Variants in CDH23 observed in about 807,000 individuals in gnomAD.
CDH23 encodes the protein cadherin-23.
A neutral mutation model predicts 317.1 loss-of-function variants in CDH23; 189 were observed. That is an observed-to-expected ratio of 0.60 (90% CI 0.53 to 0.67). The LOEUF is 0.67. CDH23 is among the 30% of genes least tolerant of loss of function. The pLI, the probability that CDH23 is intolerant of heterozygous loss-of-function variation, is 0.00. For synonymous variants in CDH23, 1,839 were observed against 1,876.8 expected (o/e 0.98, Z 0.52); for missense variants, 4,401 against 4,592.4 (o/e 0.96, Z 1.20).
At chr10:71,535,505 GAAAATGCCTC>G (rs1399857706) in intron 6 of CDH23, among the ~76,000 whole-genome samples, 1 of 152,226 alleles carries the variant, frequency 6.6e-6, no homozygotes, top group East Asian at 1.9e-4. Context: ...AAACGCCAAG[GAAAATGCCTC>G]ATGGTGAGGC....
intron 1 of CDH23, among the ~76,000 whole-genome samples, chr10:71,431,672 C>T (rs1202265394): frequency 1.3e-5 from 2 of 152,252 alleles, no homozygotes; most frequent in Non-Finnish European, 2.9e-5. Flanking sequence ...ATCGTGGCAC[C>T]ATGCTGTGAA....
chr10:71,756,587 T>C (rs1840154212), intron 38 of CDH23, among the ~76,000 whole-genome samples: 1 of 152,168 alleles, frequency 6.6e-6, no homozygotes, highest in South Asian at 2.1e-4. Flanking sequence ...TCCAAAAAGG[T>C]GTACACGAAG....
At chr10:71,621,736 A>G (rs907337603) in intron 11 of CDH23, among the ~76,000 whole-genome samples, 1 of 152,236 alleles carries the variant, frequency 6.6e-6, no homozygotes, top group Non-Finnish European at 1.5e-5. Context: ...AATCGAATTC[A>G]CTGCCGCCAC....
rs370923146 is a variant in CDH23 at position 71,675,105 on chromosome 10, G to A, written c.1450-7G>A. The A allele has an allele frequency of 1.2e-6, 2 of 1,613,692 alleles. No individual in the cohort carries two copies. Among genetic ancestry groups the A allele is most frequent in the African/African-American group, 2.7e-5 (2 of 75,046 alleles). ...GCAGTAATGACTTCTTGTTCTCGCT[G>A]TTGCAGGCAACTGACAATGATGCAG... is the stretch of plus-strand genomic sequence containing the variant. On this transcript the variant is annotated splice_region_variant and splice_polypyrimidine_tract_variant and intron_variant, in intron 14 of 69. Transcript: ENST00000224721.
chr10:71,422,321 G>C (rs899118230), intron 1 of CDH23, among the ~76,000 whole-genome samples: 2 of 152,182 alleles, frequency 1.3e-5, no homozygotes, highest in Non-Finnish European at 2.9e-5. Context: ...GAGCTACCTG[G>C]GTTCGAATTC....
At chr10:71,545,243 G>A (rs1027213739) in intron 6 of CDH23, among the ~76,000 whole-genome samples, 1 of 152,134 alleles carries the variant, frequency 6.6e-6, no homozygotes, top group Non-Finnish European at 1.5e-5. Flanking sequence ...GACAGGCACC[G>A]TGCTCCCAGG....
At chr10:71,404,086 T>G (rs1258359293) in intron 1 of CDH23, among the ~76,000 whole-genome samples, 6 of 152,128 alleles carry the variant, frequency 3.9e-5, no homozygotes, top group African/African-American at 1.4e-4. Context: ...AGCAAGACCC[T>G]GTCTCAAAAA....
rs1841213015 is a variant in CDH23, at chr10:71,790,312, G to A, written c.5948G>A (p.Gly1983Glu). 3.1e-6 allele frequency: 5 copies of A among 1,613,720 alleles called. No individual in the cohort carries two copies. The highest frequency in any genetic ancestry group is 4.2e-6 in the Non-Finnish European group (5 of 1,179,872). The change falls in exon 46 of 70, where the codon GGG (glycine) becomes GAG (glutamate). Residue 1983 changes from glycine (G) to glutamate (E), a missense_variant. Coordinates refer to ENST00000224721, the MANE Select transcript of CDH23 (RefSeq NM_022124.6). ...GGCACCCCTCTCACGGTGCTCAATG[G>A]GCCCATCCTGGCCCTGGATGCAGAC... ...PAGTPLTVLNGPILALDADQD... is the reference protein window; with the variant it reads ...PAGTPLTVLNEPILALDADQD...
At chr10:71,806,673 T>C (rs1589434506) in intron 57 of CDH23, among the ~76,000 whole-genome samples, 1 of 150,336 alleles carries the variant, frequency 6.7e-6, no homozygotes, top group Non-Finnish European at 1.5e-5. Flanking sequence ...TCCACCCGGG[T>C]TCAAGTGATT....
intron 9 of CDH23, among the ~76,000 whole-genome samples, chr10:71,594,494 C>T (rs1859711035): frequency 6.6e-6 from 1 of 152,182 alleles, no homozygotes; most frequent in African/African-American, 2.4e-5. Flanking sequence ...CTGCCTCAGC[C>T]TCCCGAGTAG....
intron 22 of CDH23, among the ~76,000 whole-genome samples, chr10:71,696,621 A>G (rs7094357): frequency 0.61 from 93,465 of 152,150 alleles, 29,325 homozygotes; most frequent in Non-Finnish European, 0.71. Flanking sequence ...TCAGTGAACA[A>G]TGTGGAAAGG....
At chr10:71,535,046 G>A (rs904713318) in intron 6 of CDH23, among the ~76,000 whole-genome samples, 2 of 152,210 alleles carry the variant, frequency 1.3e-5, no homozygotes, top group African/African-American at 2.4e-5. Flanking sequence ...TGCCCTCCGC[G>A]GCTCTTCAGG....
At chr10:71,429,036 C>G in intron 1 of CDH23, among the ~76,000 whole-genome samples, 1 of 152,278 alleles carries the variant, frequency 6.6e-6, no homozygotes, top group Admixed American at 6.5e-5. Context: ...TGCGTTTTTA[C>G]TCTGTTGATA....
intron 1 of CDH23, among the ~76,000 whole-genome samples, chr10:71,404,726 C>A (rs1848017867): frequency 6.6e-6 from 1 of 152,240 alleles, no homozygotes; most frequent in South Asian, 2.1e-4. Context: ...CTGCAATCAG[C>A]CACCCAGAGC....
chr10:71,778,973 C>T (rs1840884509), intron 40 of CDH23, among the ~76,000 whole-genome samples: 1 of 152,124 alleles, frequency 6.6e-6, no homozygotes, highest in Non-Finnish European at 1.5e-5. Flanking sequence ...CTATATTGCC[C>T]AGGCTGGCTC....
At chr10:71,725,881 A>G (rs1466943407) in intron 30 of CDH23, among the ~76,000 whole-genome samples, 3 of 152,152 alleles carry the variant, frequency 2.0e-5, no homozygotes, top group East Asian at 1.9e-4. Context: ...CATTTTACAG[A>G]TGAGAAAACT....
In CDH23 at chr10:71,570,781, C is replaced by T. The variant is rs1229430418; in HGVS notation, c.625-9C>T. 2.5e-6 allele frequency: 4 copies of T among 1,604,158 alleles called. No individual in the cohort carries two copies. Among genetic ancestry groups the T allele is most frequent in the Non-Finnish European group, 2.6e-6 (3 of 1,175,170 alleles). ...AACCTAAGGCTGTGTGTTCTCTCCGCTCTCTAAGGATCAAGACAAGACCAG... is the reference window on the plus strand; with the variant it reads ...AACCTAAGGCTGTGTGTTCTCTCCGTTCTCTAAGGATCAAGACAAGACCAG... On this transcript the variant is annotated splice_polypyrimidine_tract_variant and intron_variant, in intron 7 of 69. Transcript: ENST00000224721.
chr10:71,640,016 C>T (rs1467471106), intron 11 of CDH23, among the ~76,000 whole-genome samples: 6 of 152,170 alleles, frequency 3.9e-5, no homozygotes, highest in South Asian at 2.1e-4. Context: ...GTCTGGCCTG[C>T]GTGAGCTTTT....
At chr10:71,486,439 A>G (rs1852350833) in intron 3 of CDH23, among the ~76,000 whole-genome samples, 2 of 151,994 alleles carry the variant, frequency 1.3e-5, no homozygotes, top group South Asian at 4.2e-4. Context: ...AGCACAGGCC[A>G]GCCTAGAGTG....
Sources: allele counts gnomAD v4.1 joint callset (sites outside exome capture counted in the v4.1 genomes callset), GRCh38; gene constraint gnomAD v4.1.1; transcripts MANE v1.5; gene names NCBI Gene and HGNC (gene_info 2026-07-23, HGNC 2026-07-21).